The following NDFIP1 variants were observed in gnomAD, a reference collection of about 807,000 sequenced individuals.
NDFIP1 encodes Nedd4 family interacting protein 1, also known as NEDD4 family-interacting protein 1.
In NDFIP1, 7 loss-of-function variants were observed where a neutral mutation model predicts 28.8. That is an observed-to-expected ratio of 0.24 (90% CI 0.14 to 0.46). NDFIP1 has a LOEUF of 0.46. Among genes scored for constraint, NDFIP1 ranks in the 20% least tolerant of loss-of-function variants. The probability of loss-of-function intolerance (pLI) is 0.99; values close to 1 mark genes in which losing one functional copy is unlikely to be tolerated. For synonymous variants in NDFIP1, 92 were observed against 101.0 expected (o/e 0.91, Z 0.53); for missense variants, 194 against 269.1 (o/e 0.72, Z 1.95).
chr5:142,137,611 G>A, intron 4 of NDFIP1, 123 bp from the exon 5 acceptor site: 1 of 1,146,168 alleles, frequency 8.7e-7, no homozygotes, highest in Non-Finnish European at 1.2e-6. Context: ...TATGGTGACG[G>A]TTGTGGAGGA....
At chr5:142,143,218 G>A (rs2126922416) in intron 6 of NDFIP1, 1 of 152,120 alleles carries the variant, frequency 6.6e-6, no homozygotes. Context: ...ACGCCTGAAT[G>A]TTTTTACTTT....
At chr5:142,119,100 A>G (rs947008489) in intron 1 of NDFIP1, among the ~76,000 whole-genome samples, 1 of 152,218 alleles carries the variant, frequency 6.6e-6, no homozygotes, top group Non-Finnish European at 1.5e-5. Context: ...ACACATCTGT[A>G]ACTATTTCTG....
At chr5:142,110,395 C>T (rs186290855) in intron 1 of NDFIP1, among the ~76,000 whole-genome samples, 4 of 152,202 alleles carry the variant, frequency 2.6e-5, no homozygotes, top group Non-Finnish European at 5.9e-5. Context: ...ATCACCCCTA[C>T]TGTATACTGT....
chr5:142,140,669 C>G, intron 6 of NDFIP1, 40 bp downstream of exon 6: 1 of 1,509,502 alleles, frequency 6.6e-7, no homozygotes, highest in South Asian at 1.2e-5. Context: ...GAAAACATTA[C>G]ATTAAATTTT....
intron 1 of NDFIP1, among the ~76,000 whole-genome samples, chr5:142,122,514 C>G (rs778222158): frequency 1.4e-4 from 21 of 152,114 alleles, no homozygotes; most frequent in Non-Finnish European, 2.4e-4. Context: ...GGACATATAA[C>G]TAGGAGTGGA....
chr5:142,117,533 G>A (rs752653973), intron 1 of NDFIP1, among the ~76,000 whole-genome samples: 3 of 152,064 alleles, frequency 2.0e-5, no homozygotes, highest in Non-Finnish European at 2.9e-5. Context: ...GAGCCACTGC[G>A]CCTGGCCGAT....
At chr5:142,149,176 A>G (rs1302626532) in intron 7 of NDFIP1, among the ~76,000 whole-genome samples, 2 of 152,054 alleles carry the variant, frequency 1.3e-5, no homozygotes, top group African/African-American at 4.8e-5. Flanking sequence ...AAATATTTTA[A>G]TTTTTTTCCA....
intron 7 of NDFIP1, among the ~76,000 whole-genome samples, chr5:142,149,636 T>G (rs1427456736): frequency 6.6e-6 from 1 of 152,142 alleles, no homozygotes; most frequent in Admixed American, 6.5e-5. Flanking sequence ...GATTACCCAC[T>G]GGTGACCTCT....
In NDFIP1 at chr5:142,109,150, A is replaced by T. The variant is rs997576974; in HGVS notation, c.63+113A>T. ...GGCCAACTCGACGCCGGGGCTTGGC[A>T]GGCCGCGCTGGGCCTGGAGGGGCGG... On this transcript the variant is annotated intron_variant, in intron 1 of 7. Transcript: ENST00000253814. The T allele has an allele frequency of 2.3e-5, 23 of 1,006,670 alleles. No homozygotes were observed. In the African/African-American group the frequency reaches 3.7e-4, roughly 16 times the overall value. The allele number at this position is 1,006,670 out of a possible 1,614,324, so 62.4% of individuals were successfully genotyped here.
At chr5:142,133,240 A>G (rs1757243537) in intron 3 of NDFIP1, among the ~76,000 whole-genome samples, 1 of 152,244 alleles carries the variant, frequency 6.6e-6, no homozygotes, top group South Asian at 2.1e-4. Context: ...GGATGATCCT[A>G]AATGGCGATG....
chr5:142,130,055 A>T (rs1426509226), intron 1 of NDFIP1, among the ~76,000 whole-genome samples: 1 of 152,014 alleles, frequency 6.6e-6, no homozygotes, highest in Non-Finnish European at 1.5e-5. Flanking sequence ...GGTGGTATGT[A>T]TTTTACAAGT....
Position 142,135,782 on chromosome 5 carries a change from T to C in NDFIP1, c.335T>C (p.Ile112Thr). The C allele has an allele frequency of 6.2e-7, 1 of 1,613,926 alleles. No individual in the cohort carries two copies. The highest frequency in any genetic ancestry group is 8.5e-7 in the Non-Finnish European group (1 of 1,179,894). ...DDFDDADQLR[I>T]GNDGIFMLTF... The stretch of plus-strand genomic sequence containing the variant: ...TTTGATGATGCTGACCAGCTGAGGA[T>C]AGGAAATGATGGGATTTTCATGTTA... Residue 112 changes from isoleucine (I) to threonine (T), a missense_variant, in exon 4 of 8, where the codon ATA becomes ACA. By Grantham distance (89) the Ile-to-Thr change is moderately conservative (BLOSUM62 -1). Transcript: ENST00000253814.
intron 1 of NDFIP1, among the ~76,000 whole-genome samples, chr5:142,123,205 G>A (rs2043282): frequency 8.5e-5 from 13 of 152,320 alleles, no homozygotes; most frequent in Admixed American, 7.8e-4. Flanking sequence ...TCAAGTGATC[G>A]TCCCACCTCG....
intron 3 of NDFIP1, among the ~76,000 whole-genome samples, chr5:142,135,164 A>G (rs1757261266): frequency 1.3e-5 from 1 of 79,918 alleles, no homozygotes; most frequent in East Asian, 3.4e-4. Context: ...TATTTTTAGT[A>G]GAGACGGGTT....
chr5:142,151,709 A>T (rs1214254963), intron 7 of NDFIP1, 22 bp from the exon 8 acceptor site: 1 of 152,640 alleles, frequency 6.6e-6, no homozygotes, highest in Admixed American at 6.5e-5. Context: ...GAGTTTCAAT[A>T]TTCAATATCC....
intron 7 of NDFIP1, 75 bp downstream of exon 7, chr5:142,144,751 T>A: frequency 2.1e-6 from 2 of 959,510 alleles, no homozygotes; most frequent in Non-Finnish European, 3.2e-6. Context: ...AGTTTTAGAG[T>A]AAGTATCTGT....
At chr5:142,138,020 C>A in intron 5 of NDFIP1, 162 bp downstream of exon 5, 1 of 781,030 alleles carries the variant, frequency 1.3e-6, no homozygotes, top group Non-Finnish European at 1.9e-6. Context: ...AAATCATTTG[C>A]AAATGGTTCA....
Position 142,153,321 on chromosome 5 carries a change from C to G in NDFIP1, c.*1593C>G, listed in dbSNP as rs1341548179. 2.2e-6 allele frequency: 1 copy of G among 456,550 alleles called. No homozygotes were observed. The highest frequency in any genetic ancestry group is 6.9e-5 in the East Asian group (1 of 14,394). 28.3% of individuals were successfully genotyped at this position (456,550 alleles called of 1,614,324 possible). On this transcript the variant is annotated 3_prime_UTR_variant, in exon 8 of 8. Transcript: ENST00000253814. The stretch of plus-strand genomic sequence containing the variant: ...AAAATACACCAAGATGGTCAAATTA[C>G]TACACAAATCAGCACCAGCACAGTC...
At chr5:142,131,556 C>T (rs1243930829) in intron 1 of NDFIP1, among the ~76,000 whole-genome samples, 1 of 152,136 alleles carries the variant, frequency 6.6e-6, no homozygotes, top group Non-Finnish European at 1.5e-5. Context: ...TATTTGTCTC[C>T]TATGATTGGA....
Sources: gnomAD v4.1 joint callset for allele counts (sites outside exome capture counted in the v4.1 genomes callset) on GRCh38, gnomAD v4.1.1 for gene constraint, MANE v1.5 for transcripts, NCBI Gene and HGNC (gene_info 2026-07-23, HGNC 2026-07-21) for gene names.